The following GRK7 variants were observed in gnomAD, a reference collection of about 807,000 sequenced individuals.
The protein encoded by GRK7 is rhodopsin kinase GRK7.
In GRK7, 24 loss-of-function variants were observed where a neutral mutation model predicts 34.1. The observed-to-expected ratio is 0.70, with a 90% CI of 0.51 to 0.99. The LOEUF (loss-of-function observed/expected upper bound fraction) is 0.99, where lower values mean the gene tolerates loss of function less well. GRK7 is among the 50% of genes least tolerant of loss of function. The pLI is 0.00. For synonymous variants in GRK7, 256 were observed against 279.4 expected, an observed-to-expected ratio of 0.92 and a Z score of 0.84; for missense variants, 644 against 707.3, an observed-to-expected ratio of 0.91 and a Z score of 1.02.
chr3:141,778,473 G>T lies in GRK7; in HGVS notation c.189G>T (p.Gln63His). 6.2e-7 allele frequency: 1 copy of T among 1,613,174 alleles called. No individual in the cohort carries two copies. The highest frequency in any genetic ancestry group is 1.1e-5 in the South Asian group (1 of 91,086). ...SLNFHSLCEQ[Q>H]PIGRRLFRDF... The stretch of plus-strand genomic sequence containing the variant: ...ACTTCCACAGCCTGTGTGAGCAGCA[G>T]CCCATCGGTCGCCGCCTCTTCCGTG... The change falls in exon 3 of 6, where the codon CAG becomes CAT. Residue 63 changes from glutamine (Q) to histidine (H), a missense_variant. Physicochemically the swap from Gln to His is conservative, Grantham distance 24. Transcript: ENST00000682958. The surrounding 1 kb of genome is among the most constrained non-coding windows in gnomAD (Gnocchi z 4.1).
At chr3:141,780,859 G>T in intron 4 of GRK7, 48 bp downstream of exon 4, 1 of 1,517,872 alleles carries the variant, frequency 6.6e-7, no homozygotes, top group Non-Finnish European at 9.0e-7. Flanking sequence ...GAGTTGGAAA[G>T]GAGGGGAGAG....
chr3:141,805,064 A>G (rs1003311089), intron 4 of GRK7, among the ~76,000 whole-genome samples: 2 of 134,400 alleles, frequency 1.5e-5, no homozygotes, highest in African/African-American at 5.1e-5. Context: ...ATGCCCACAC[A>G]CACACACACA....
At chr3:141,796,195 T>TGGGAGG (rs1025328426) in intron 4 of GRK7, among the ~76,000 whole-genome samples, 1 of 152,108 alleles carries the variant, frequency 6.6e-6, no homozygotes, top group Non-Finnish European at 1.5e-5. Flanking sequence ...TGACGTCACA[T>TGGGAGG]GGGAGGCTGG....
At chr3:141,758,775 T>C (rs1286719058), upstream of GRK7, among the ~76,000 whole-genome samples, 5 of 149,596 alleles carry the variant, frequency 3.3e-5, no homozygotes, top group South Asian at 1.1e-3. Flanking sequence ...TATTGATTCT[T>C]CCAACCCATG....
chr3:141,750,733 A>T, the GRK7 span, among the ~76,000 whole-genome samples: 1 of 151,796 alleles, frequency 6.6e-6, no homozygotes, highest in Non-Finnish European at 1.5e-5. Context: ...AAAAATTGCC[A>T]GCATGAGTCT....
intron 4 of GRK7, among the ~76,000 whole-genome samples, chr3:141,787,616 C>T (rs1281378911): frequency 2.1e-5 from 3 of 140,284 alleles, no homozygotes; most frequent in African/African-American, 5.7e-5. Context: ...CAAAGTGAGA[C>T]TCTGCCTCAA....
At chr3:141,788,064 AT>A (rs2084705232) in intron 4 of GRK7, among the ~76,000 whole-genome samples, 1 of 152,190 alleles carries the variant, frequency 6.6e-6, no homozygotes. Context: ...CCTACTGCCT[AT>A]TTTAATAGAA....
At chr3:141,815,330 C>T (rs1483287155) in intron 5 of GRK7, among the ~76,000 whole-genome samples, 2 of 151,888 alleles carry the variant, frequency 1.3e-5, no homozygotes, top group Non-Finnish European at 2.9e-5. Flanking sequence ...TGACTTTTAT[C>T]TGATGATTAG....
intron 5 of GRK7, among the ~76,000 whole-genome samples, chr3:141,810,677 C>T (rs1711084734): frequency 6.6e-6 from 1 of 152,068 alleles, no homozygotes; most frequent in South Asian, 2.1e-4. Flanking sequence ...CCACCACACC[C>T]AGCTACTTTT....
chr3:141,754,228 G>A, the GRK7 span, among the ~76,000 whole-genome samples: 2 of 152,160 alleles, frequency 1.3e-5, no homozygotes, highest in East Asian at 3.8e-4. Flanking sequence ...CAGGTCAGTG[G>A]TGCCATCAGA....
intron 5 of GRK7, among the ~76,000 whole-genome samples, chr3:141,811,254 G>T (rs1442049675): frequency 6.6e-6 from 1 of 151,896 alleles, no homozygotes; most frequent in East Asian, 1.9e-4. Context: ...GGAGGCGGAG[G>T]TTGAAGTGAG....
rs1711169450 is a variant in GRK7 at position 141,817,849 on chromosome 3, A to C, written c.*799A>C. On this transcript the variant is annotated 3_prime_UTR_variant, in exon 6 of 6. Transcript: ENST00000682958. ...CCCATCCATAGACATTCTGATCCCC[A>C]CTCCCAGGTATGAGAACAGCTTGAC... is the stretch of plus-strand genomic sequence containing the variant. 6.6e-6 allele frequency: 1 copy of C among 152,066 alleles called. No individual in the cohort carries two copies. The highest frequency in any genetic ancestry group is 2.1e-4 in the South Asian group (1 of 4,824). The allele number at this position is 152,066 out of a possible 1,614,324, so 9.4% of individuals were successfully genotyped here.
chr3:141,759,464 A>G (rs1650638410), upstream of GRK7, among the ~76,000 whole-genome samples: 1 of 136,752 alleles, frequency 7.3e-6, no homozygotes, highest in Non-Finnish European at 1.6e-5. Context: ...ACATTTATTG[A>G]TTTGCGTATA....
chr3:141,809,748 A>G (rs1711073778), intron 5 of GRK7, among the ~76,000 whole-genome samples: 1 of 152,164 alleles, frequency 6.6e-6, no homozygotes, highest in African/African-American at 2.4e-5. Flanking sequence ...TGGCCTGTGA[A>G]AAGACCCTTG....
At position 141,778,129 on chromosome 3, in the gene GRK7, C is replaced by G; in HGVS notation, c.-113-43C>G. 1 of 896,244 alleles carries G rather than the reference C, an allele frequency of 1.1e-6. No homozygotes were observed. Among genetic ancestry groups the G allele is most frequent in the Middle Eastern group, 3.5e-4 (1 of 2,834 alleles). The allele number at this position is 896,244 out of a possible 1,614,324, so 55.5% of individuals were successfully genotyped here. On this transcript the variant is annotated intron_variant, in intron 2 of 5. Coordinates refer to ENST00000682958, the MANE Select transcript of GRK7 (RefSeq NM_139209.3). The surrounding 1 kb of genome is among the most constrained non-coding windows in gnomAD (Gnocchi z 4.1). ...ATACATAGCCAGTCAAAGCTTCTTA[C>G]AAGAGAAACCTCTTTCACACCCTCC...
intron 4 of GRK7, among the ~76,000 whole-genome samples, chr3:141,805,960 C>T (rs1032525466): frequency 6.6e-6 from 1 of 152,190 alleles, no homozygotes; most frequent in Non-Finnish European, 1.5e-5. Context: ...CTGCATCCAA[C>T]TTTTCCAACC....
At chr3:141,751,823 C>T in the GRK7 span, among the ~76,000 whole-genome samples, 3 of 152,166 alleles carry the variant, frequency 2.0e-5, no homozygotes, top group Admixed American at 2.0e-4. Flanking sequence ...TAGTGGCTTC[C>T]ATATTGGATA....
rs185026248 is a variant in GRK7 at position 141,780,336 on chromosome 3, A to G, written c.613-38A>G. Reference sequence around the variant, plus strand: ...TCTCCACCTCTCTGCAGTACCATCTACTTCTACCTCTTTCTCTTCTTTTCT... The same window carrying G: ...TCTCCACCTCTCTGCAGTACCATCTGCTTCTACCTCTTTCTCTTCTTTTCT... On this transcript the variant is annotated intron_variant, in intron 3 of 5. Coordinates refer to ENST00000682958, the MANE Select transcript of GRK7 (RefSeq NM_139209.3). 162 of 1,562,776 alleles carry G rather than the reference A, an allele frequency of 1.0e-4. No individual in the cohort carries two copies. In the African/African-American group the frequency reaches 2.0e-3, roughly 19 times the overall value.
chr3:141,813,277 C>T (rs1394337172), intron 5 of GRK7, among the ~76,000 whole-genome samples: 2 of 152,144 alleles, frequency 1.3e-5, no homozygotes, highest in Non-Finnish European at 2.9e-5. Flanking sequence ...AGGCATGTGC[C>T]ACCACGCCTG....
Sources: allele counts gnomAD v4.1 joint callset (sites outside exome capture counted in the v4.1 genomes callset), GRCh38; gene constraint gnomAD v4.1.1; non-coding constraint Gnocchi (gnomAD v3.1); transcripts MANE v1.5; gene names NCBI Gene and HGNC (gene_info 2026-07-23, HGNC 2026-07-21).